VANGL2: variants seen among roughly 807,000 people sequenced by gnomAD.
VANGL2 encodes VANGL planar cell polarity protein 2.
In VANGL2, 14 loss-of-function variants were observed where a neutral mutation model predicts 50.2. The ratio of observed to expected loss-of-function variants is 0.28; its 90% CI spans 0.18 to 0.44. VANGL2 has a LOEUF of 0.44. VANGL2 is among the 20% of genes least tolerant of loss of function. The probability of loss-of-function intolerance (pLI) is 1.00; values close to 1 mark genes in which losing one functional copy is unlikely to be tolerated. For missense variants in VANGL2, 533 were observed against 701.5 expected (o/e 0.76, Z 2.71); for synonymous variants, 295 against 297.2 (o/e 0.99, Z 0.08).
At chr1:160,405,128 C>T (rs1283938143) in intron 1 of VANGL2, among the ~76,000 whole-genome samples, 2 of 152,104 alleles carry the variant, frequency 1.3e-5, no homozygotes, top group East Asian at 3.8e-4. Context: ...ATGCATCAAC[C>T]CTCATCCTTG....
At position 160,427,728 on chromosome 1, in the gene VANGL2, C is replaced by G. The variant is rs1651508470; in HGVS notation, c.*2350C>G. Reference sequence around the variant, plus strand: ...GACTCAGTCCCTCTGAGCAGTTTCCCCACTGTGTCTGTCCCATCATGCGCT... The same window carrying G: ...GACTCAGTCCCTCTGAGCAGTTTCCGCACTGTGTCTGTCCCATCATGCGCT... On this transcript the variant is annotated 3_prime_UTR_variant, in exon 8 of 8. Transcript: ENST00000368061. 1 of 152,530 alleles carries G rather than the reference C, an allele frequency of 6.6e-6. No homozygotes were observed. The highest frequency in any genetic ancestry group is 2.1e-4 in the South Asian group (1 of 4,822). The allele number at this position is 152,530 out of a possible 1,614,324, so 9.4% of individuals were successfully genotyped here.
rs1247304427 is a variant in VANGL2 at position 160,419,066 on chromosome 1, A to G, written c.257A>G (p.Asp86Gly). ...TGTSEHSISHDDLTRIAKDME... is the reference protein window; with the variant it reads ...TGTSEHSISHGDLTRIAKDME... ...ACCTCAGAGCACAGCATCTCCCATG[A>G]TGACCTCACACGCATCGCCAAGGAC... The change falls in exon 4 of 8, where the codon GAT becomes GGT. Residue 86 changes from aspartate (D) to glycine (G), a missense_variant. Transcript: ENST00000368061. This position sits in a 1 kb window ranked among gnomAD's most constrained non-coding sequence, Gnocchi z 5.8. 1.2e-6 allele frequency: 2 copies of G among 1,613,484 alleles called. No homozygotes were observed. The highest frequency in any genetic ancestry group is 1.7e-6 in the Non-Finnish European group (2 of 1,179,478).
In VANGL2 at chr1:160,415,924, G is replaced by T; in HGVS notation, c.71+16G>T. The T allele has an allele frequency of 6.2e-7, 1 of 1,614,202 alleles. No homozygotes were observed. Among genetic ancestry groups the T allele is most frequent in the Non-Finnish European group, 8.5e-7 (1 of 1,180,030 alleles). On this transcript the variant is annotated intron_variant, in intron 2 of 7. Transcript: ENST00000368061. ...GCAAGCACAGGTGGGCAGGCATGCA[G>T]GGTGACATGCGTGGCGGAGGGAGGG...
At chr1:160,424,025 C>A (rs530478826) in intron 6 of VANGL2, 27 bp from the exon 7 acceptor site, 1 of 1,612,734 alleles carries the variant, frequency 6.2e-7, no homozygotes, top group Non-Finnish European at 8.5e-7. Flanking sequence ...AGGTGGGCAT[C>A]TGGCCCAGTC....
chr1:160,402,586 CA>C (rs1407233773), intron 1 of VANGL2, among the ~76,000 whole-genome samples: 1 of 151,966 alleles, frequency 6.6e-6, no homozygotes, highest in African/African-American at 2.4e-5. Flanking sequence ...TTTATCAGAC[CA>C]AAAAGTTTCC....
chr1:160,425,695 C>A lies in VANGL2; in HGVS notation c.*317C>A. On this transcript the variant is annotated 3_prime_UTR_variant, in exon 8 of 8. Transcript: ENST00000368061. ...CCCTAGTCTTTTCCCAGATTACAGTCTCTCCTGAAAGGGCACAGGGCCCTG... is the reference window on the plus strand; with the variant it reads ...CCCTAGTCTTTTCCCAGATTACAGTATCTCCTGAAAGGGCACAGGGCCCTG... 3.4e-6 allele frequency: 1 copy of A among 298,266 alleles called. No individual in the cohort carries two copies. The allele number at this position is 298,266 out of a possible 1,614,324, so 18.5% of individuals were successfully genotyped here.
At position 160,415,438 on chromosome 1, in the gene VANGL2, T is replaced by G. The variant is rs1651020593; in HGVS notation, c.-190-210T>G. Among the ~76,000 whole-genome samples, 4 of 152,210 alleles carry G rather than the reference T, an allele frequency of 2.6e-5. No individual in the cohort carries two copies. The South Asian group carries it at 8.3e-4, about 31-fold the overall frequency. On this transcript the variant is annotated intron_variant, in intron 1 of 7. Transcript: ENST00000368061. ...TTTGCTGGCCATCTTCCCCCATGCC[T>G]GAGTCCTTGGCACAGCCTGGCAGGG...
At position 160,424,244 on chromosome 1, in the gene VANGL2, G is replaced by A; in HGVS notation, c.1266G>A (p.Gln422=). ...ACCACACCATGGAGAGCATCCTGCA[G>A]CACCTTGAATTCTGCATCACGCATG... ...QPYHTMESIL[Q]HLEFCITHDM... Residue 422 remains glutamine (Q), a synonymous_variant, in exon 7 of 8, where the codon CAG becomes CAA. Coordinates refer to ENST00000368061, the MANE Select transcript of VANGL2 (RefSeq NM_020335.3). The A allele has an allele frequency of 6.2e-7, 1 of 1,614,204 alleles. No homozygotes were observed. The highest frequency in any genetic ancestry group is 8.5e-7 in the Non-Finnish European group (1 of 1,180,030).
At position 160,420,968 on chromosome 1, in the gene VANGL2, C is replaced by G. The variant is rs529888873; in HGVS notation, c.938-84C>G. On this transcript the variant is annotated intron_variant, in intron 5 of 7. Transcript: ENST00000368061. ...TGGGAACAGCTTCTTCTGGACATGT[C>G]AGGCTGCTGTCTCCAGAGCTCCTGG... 2.0e-5 allele frequency: 31 copies of G among 1,585,460 alleles called. No homozygotes were observed. The Admixed American group carries it at 3.2e-4, about 16-fold the overall frequency.
chr1:160,407,105 T>G (rs1317557468), intron 1 of VANGL2, among the ~76,000 whole-genome samples: 1 of 152,180 alleles, frequency 6.6e-6, no homozygotes, highest in East Asian at 1.9e-4. Flanking sequence ...TGCAGTCACT[T>G]AAAAAACAAC....
chr1:160,409,089 T>C (rs926336654), intron 1 of VANGL2, among the ~76,000 whole-genome samples: 1 of 152,190 alleles, frequency 6.6e-6, no homozygotes, highest in South Asian at 2.1e-4. Context: ...TCTCTGTCTC[T>C]TTGTCCCTGG....
At chr1:160,409,972 G>A (rs1449327341) in intron 1 of VANGL2, among the ~76,000 whole-genome samples, 1 of 152,186 alleles carries the variant, frequency 6.6e-6, no homozygotes, top group Non-Finnish European at 1.5e-5. Context: ...GGGCTGCAGT[G>A]GGAAAGGGGT....
intron 3 of VANGL2, among the ~76,000 whole-genome samples, chr1:160,416,671 A>G (rs909882026): frequency 1.3e-5 from 2 of 152,124 alleles, no homozygotes; most frequent in African/African-American, 2.4e-5. Flanking sequence ...AGAAAGCCCA[A>G]GGGACAAGAA....
At position 160,419,518 on chromosome 1, in the gene VANGL2, C is replaced by A; in HGVS notation, c.709C>A (p.Leu237Met). 2.5e-6 allele frequency: 4 copies of A among 1,602,108 alleles called. No individual in the cohort carries two copies. Among genetic ancestry groups the A allele is most frequent in the Non-Finnish European group, 3.4e-6 (4 of 1,179,736 alleles). Residue 237 changes from leucine to methionine, a missense_variant, in exon 4 of 8, where the codon CTG becomes ATG. Physicochemically the swap from Leu to Met is conservative, Grantham distance 15 (BLOSUM62 2). Transcript: ENST00000368061. This position sits in a 1 kb window ranked among gnomAD's most constrained non-coding sequence, Gnocchi z 5.8. Reference sequence around the variant, plus strand: ...CGTGCACTACCTGGCCGTGGTCCTGCTGGAGCTGCGCCAGCTCCAGCCTCA... The same window carrying A: ...CGTGCACTACCTGGCCGTGGTCCTGATGGAGCTGCGCCAGCTCCAGCCTCA... ...LFVHYLAVVL[L>M]ELRQLQPQFT...
chr1:160,420,963 C>T, intron 5 of VANGL2, 89 bp from the exon 6 acceptor site: 1 of 1,573,072 alleles, frequency 6.4e-7, no homozygotes, highest in Non-Finnish European at 8.7e-7. Flanking sequence ...TTCTTCTGGA[C>T]ATGTCAGGCT....
intron 1 of VANGL2, among the ~76,000 whole-genome samples, chr1:160,411,800 T>G (rs1650890068): frequency 6.6e-6 from 1 of 152,116 alleles, no homozygotes; most frequent in African/African-American, 2.4e-5. Flanking sequence ...GAAATTTATC[T>G]GTAGGGGAAA....
At chr1:160,404,750 A>G (rs1650594922) in intron 1 of VANGL2, among the ~76,000 whole-genome samples, 1 of 152,216 alleles carries the variant, frequency 6.6e-6, no homozygotes, top group Non-Finnish European at 1.5e-5. Flanking sequence ...TTAGTACTTC[A>G]TTCCCTTTTA....
chr1:160,413,104 C>G (rs1056572582), intron 1 of VANGL2, among the ~76,000 whole-genome samples: 1 of 152,148 alleles, frequency 6.6e-6, no homozygotes, highest in Admixed American at 6.5e-5. Flanking sequence ...CAGAAAGTAT[C>G]CCTGTGGTTA....
rs750394610 is a variant in VANGL2, at chr1:160,415,911, G to A, written c.71+3G>A. ...TCCCGCAGCTCCCGCAAGCACAGGTGGGCAGGCATGCAGGGTGACATGCGT... is the reference window on the plus strand; with the variant it reads ...TCCCGCAGCTCCCGCAAGCACAGGTAGGCAGGCATGCAGGGTGACATGCGT... On this transcript the variant is annotated splice_donor_region_variant and intron_variant, in intron 2 of 7. Coordinates refer to ENST00000368061, the MANE Select transcript of VANGL2 (RefSeq NM_020335.3). 6 of 1,614,194 alleles carry A rather than the reference G, an allele frequency of 3.7e-6. No individual in the cohort carries two copies. The highest frequency in any genetic ancestry group is 1.3e-5 in the African/African-American group (1 of 75,076).
Sources: gnomAD v4.1 joint callset for allele counts (sites outside exome capture counted in the v4.1 genomes callset) on GRCh38, gnomAD v4.1.1 for gene constraint, Gnocchi (gnomAD v3.1) non-coding constraint, MANE v1.5 for transcripts, NCBI Gene and HGNC (gene_info 2026-07-23, HGNC 2026-07-21) for gene names.